Variants in SEPTIN9 observed in about 807,000 individuals in gnomAD.
SEPTIN9 encodes the protein septin-9.
A neutral mutation model predicts 56.6 loss-of-function variants in SEPTIN9; 13 were observed. The observed-to-expected ratio is 0.23, with a 90% CI of 0.15 to 0.37. The LOEUF is 0.37. Among genes scored for constraint, SEPTIN9 ranks in the 10% least tolerant of loss-of-function variants. SEPTIN9 has a pLI of 1.00. For missense variants in SEPTIN9, 650 were observed against 823.1 expected, an observed-to-expected ratio of 0.79 and a Z score of 2.57; for synonymous variants, 332 against 334.1, an observed-to-expected ratio of 0.99 and a Z score of 0.07.
intron 2 of SEPTIN9, among the ~76,000 whole-genome samples, chr17:77,342,365 T>C (rs1268856885): frequency 6.6e-6 from 1 of 152,196 alleles, no homozygotes; most frequent in African/African-American, 2.4e-5. Flanking sequence ...AAACACTTCA[T>C]TCCTTTTATT....
chr17:77,418,712 T>C (rs749287693), intron 3 of SEPTIN9, among the ~76,000 whole-genome samples: 1 of 152,148 alleles, frequency 6.6e-6, no homozygotes, highest in Non-Finnish European at 1.5e-5. Context: ...TCACGGCCCA[T>C]TGATGTCTCC....
At chr17:77,448,615 A>C (rs558910839) in intron 3 of SEPTIN9, among the ~76,000 whole-genome samples, 1 of 152,214 alleles carries the variant, frequency 6.6e-6, no homozygotes, top group Non-Finnish European at 1.5e-5. Flanking sequence ...TGTGAAGTGC[A>C]CTCTGGGTTT....
intron 2 of SEPTIN9, among the ~76,000 whole-genome samples, chr17:77,343,752 G>A (rs181140856): frequency 6.6e-6 from 1 of 152,294 alleles, no homozygotes; most frequent in Non-Finnish European, 1.5e-5. Context: ...CACCCAGTTG[G>A]GGACTGCTGA....
rs756030644 is a variant in SEPTIN9 at position 77,412,129 on chromosome 17, C to CAAA, written c.721+9448_721+9450dup. Among the ~76,000 whole-genome samples the CAAA allele has an allele frequency of 8.8e-4, 59 of 67,380 alleles. 1 individual carries two copies. The highest frequency in any genetic ancestry group is 2.4e-3 in the African/African-American group (52 of 21,938). The allele number at this position is 67,380 out of a possible 152,430, so 44.2% of individuals were successfully genotyped here. On this transcript the variant is annotated intron_variant, in intron 3 of 11. Transcript: ENST00000427177. ...TGGGTGACAGAGCGAGACTCCCTAT[C>CAAA]AAAAAAAAAAAAAAAAAAAAAAAAT...
intron 10 of SEPTIN9, among the ~76,000 whole-genome samples, chr17:77,495,804 A>G (rs2040233088): frequency 6.6e-6 from 1 of 152,218 alleles, no homozygotes; most frequent in Admixed American, 6.5e-5. Flanking sequence ...CACTGAGAGC[A>G]CTTGAGGGCT....
At chr17:77,298,672 A>T (rs959294251) in intron 1 of SEPTIN9, among the ~76,000 whole-genome samples, 1 of 152,026 alleles carries the variant, frequency 6.6e-6, no homozygotes, top group African/African-American at 2.4e-5. Flanking sequence ...GTATGTGGAG[A>T]TGGGGGTCAG....
At chr17:77,427,633 G>A (rs1218891098) in intron 3 of SEPTIN9, among the ~76,000 whole-genome samples, 1 of 152,340 alleles carries the variant, frequency 6.6e-6, no homozygotes. Context: ...GGTTGACATT[G>A]TCAGCCTTCG....
In SEPTIN9 at chr17:77,500,197, G is replaced by A. The variant is rs2040443183; in HGVS notation, c.*1539G>A. ...GTGAGTGTGTGTGCATGGAAGTTGG[G>A]GCACTGGGCGTCTGACTCCCTCCCC... On this transcript the variant is annotated 3_prime_UTR_variant, in exon 12 of 12. Transcript: ENST00000427177. The A allele has an allele frequency of 8.6e-6, 2 of 232,608 alleles. No homozygotes were observed. The highest frequency in any genetic ancestry group is 4.4e-5 in the African/African-American group (2 of 45,234). 14.4% of individuals were successfully genotyped at this position (232,608 alleles called of 1,614,324 possible). A position where few individuals can be genotyped will look rare whatever the true frequency, so the allele number is the denominator to read the frequency against.
At position 77,436,231 on chromosome 17, in the gene SEPTIN9, G is replaced by T. The variant is rs1424724472; in HGVS notation, c.721+33528G>T. Among the ~76,000 whole-genome samples, 1 of 152,192 alleles carries T rather than the reference G, an allele frequency of 6.6e-6. No individual in the cohort carries two copies. The highest frequency in any genetic ancestry group is 2.4e-5 in the African/African-American group (1 of 41,450). On this transcript the variant is annotated intron_variant, in intron 3 of 11. Transcript: ENST00000427177. The surrounding 1 kb of genome is among the most constrained non-coding windows in gnomAD (Gnocchi z 4.4). ...CCTCTCCAGCTTTCCCAGGGAAAGGGCAGGAACAGAGAGGCCTTATCTTCA... is the reference window on the plus strand; with the variant it reads ...CCTCTCCAGCTTTCCCAGGGAAAGGTCAGGAACAGAGAGGCCTTATCTTCA...
Position 77,389,625 on chromosome 17 carries a change from C to T in SEPTIN9, c.77-12434C>T, listed in dbSNP as rs2035460753. Among the ~76,000 whole-genome samples the T allele has an allele frequency of 6.6e-6, 1 of 152,038 alleles. No homozygotes were observed. The highest frequency in any genetic ancestry group is 1.5e-5 in the Non-Finnish European group (1 of 68,014). ...AGGTCATCTGGTCCCTCTCCTACCC[C>T]CAGGCAGGCCACACCTAGACCCTCC... On this transcript the variant is annotated intron_variant, in intron 2 of 11. Coordinates refer to ENST00000427177, the MANE Select transcript of SEPTIN9 (RefSeq NM_001113491.2). The surrounding 1 kb of genome is among the most constrained non-coding windows in gnomAD (Gnocchi z 4.3).
chr17:77,331,386 GAT>G (rs1415386016), intron 2 of SEPTIN9, among the ~76,000 whole-genome samples: 2 of 151,872 alleles, frequency 1.3e-5, no homozygotes, highest in Admixed American at 6.6e-5. Flanking sequence ...GTGCCTGTGT[GAT>G]ATGTTTGTCG....
At chr17:77,312,641 T>C (rs781705039) in intron 2 of SEPTIN9, among the ~76,000 whole-genome samples, 3 of 152,200 alleles carry the variant, frequency 2.0e-5, no homozygotes, top group Non-Finnish European at 2.9e-5. Context: ...ATTGCTGGAC[T>C]GACCTTGATA....
At chr17:77,307,646 T>C (rs905115850) in intron 2 of SEPTIN9, among the ~76,000 whole-genome samples, 2 of 152,086 alleles carry the variant, frequency 1.3e-5, no homozygotes, top group Non-Finnish European at 2.9e-5. Flanking sequence ...TCCGGTGTTA[T>C]CTAGGAGGAA....
chr17:77,366,814 A>G (rs1013775938), intron 2 of SEPTIN9, among the ~76,000 whole-genome samples: 1 of 151,966 alleles, frequency 6.6e-6, no homozygotes, highest in South Asian at 2.1e-4. Flanking sequence ...AGCTCGGATG[A>G]GGTGGGGGTG....
chr17:77,445,169 T>C lies in SEPTIN9; in HGVS notation c.722-36975T>C. ...CAAGGGTGGCAGGAGCTGTGGGTGCTCCCAGCCCCTTCTCAAGGTTGGTCT... is the reference window on the plus strand; with the variant it reads ...CAAGGGTGGCAGGAGCTGTGGGTGCCCCCAGCCCCTTCTCAAGGTTGGTCT... On this transcript the variant is annotated intron_variant, in intron 3 of 11. Coordinates refer to ENST00000427177, the MANE Select transcript of SEPTIN9 (RefSeq NM_001113491.2). The surrounding 1 kb of genome is among the most constrained non-coding windows in gnomAD (Gnocchi z 4.7). The C allele has an allele frequency of 2.1e-6, 1 of 470,934 alleles. No homozygotes were observed. Among genetic ancestry groups the C allele is most frequent in the South Asian group, 1.5e-5 (1 of 64,558 alleles). The allele number at this position is 470,934 out of a possible 1,614,324, so 29.2% of individuals were successfully genotyped here.
At chr17:77,457,100 G>C (rs937212912) in intron 3 of SEPTIN9, among the ~76,000 whole-genome samples, 8 of 152,214 alleles carry the variant, frequency 5.3e-5, no homozygotes, top group African/African-American at 1.7e-4. Context: ...CCCCGGGGCT[G>C]TGTGCCTGGG....
At chr17:77,320,058 T>G (rs2143651437) in intron 2 of SEPTIN9, 1 of 1,402,476 alleles carries the variant, frequency 7.1e-7, no homozygotes, top group Middle Eastern at 2.7e-4. Flanking sequence ...TGGATTTCTC[T>G]CCTTTGCTCC....
At chr17:77,295,806 G>A (rs567790048) in intron 1 of SEPTIN9, among the ~76,000 whole-genome samples, 1 of 151,176 alleles carries the variant, frequency 6.6e-6, no homozygotes, top group Non-Finnish European at 1.5e-5. Context: ...CCCCACGGAG[G>A]CCCCTTTCCT....
chr17:77,498,488 C>T, intron 11 of SEPTIN9, 35 bp from the exon 12 acceptor site: 2 of 733,998 alleles, frequency 2.7e-6, no homozygotes, highest in Non-Finnish European at 4.8e-6. Flanking sequence ...CCGCTGCGCC[C>T]ACCTCACTGA....
Sources: gnomAD v4.1 joint callset for allele counts (sites outside exome capture counted in the v4.1 genomes callset) on GRCh38, gnomAD v4.1.1 for gene constraint, Gnocchi (gnomAD v3.1) non-coding constraint, MANE v1.5 for transcripts, NCBI Gene and HGNC (gene_info 2026-07-23, HGNC 2026-07-21) for gene names.